The following INSL6 variants were observed in gnomAD, a reference collection of about 807,000 sequenced individuals.
INSL6 encodes insulin-like peptide INSL6.
Under a neutral mutation model 9.4 loss-of-function variants are expected in INSL6, and 16 were observed. The observed-to-expected ratio is 1.70, with a 90% CI of 1.15 to 2.59. The LOEUF (loss-of-function observed/expected upper bound fraction) is 2.59, where lower values mean the gene tolerates loss of function less well. Among genes scored for constraint, INSL6 ranks in the 30% most tolerant of loss-of-function variants. The probability of loss-of-function intolerance (pLI) is 0.00; values close to 1 mark genes in which losing one functional copy is unlikely to be tolerated. For synonymous variants in INSL6, 154 were observed against 96.9 expected (o/e 1.59, Z -3.46); for missense variants, 391 against 257.3 (o/e 1.52, Z -3.56).
chr9:5,111,260 G>C, the INSL6 span: 2 of 508,582 alleles, frequency 3.9e-6, no homozygotes, highest in South Asian at 3.4e-5. Flanking sequence ...ACGCAGGCGT[G>C]CGCAGCCTGA....
At chr9:5,142,199 CTCT>C (rs1824514396) in intron 2 of INSL6, among the ~76,000 whole-genome samples, 1 of 152,066 alleles carries the variant, frequency 6.6e-6, no homozygotes, top group African/African-American at 2.4e-5. Flanking sequence ...GGCTATTTGG[CTCT>C]TTTTTGGTTC....
At chr9:5,094,116 T>G in the INSL6 span, 1 of 152,144 alleles carries the variant, frequency 6.6e-6, no homozygotes. Context: ...ATAATTAACC[T>G]TTTCCTACTT....
At chr9:5,100,671 T>G in the INSL6 span, 1 of 152,194 alleles carries the variant, frequency 6.6e-6, no homozygotes, top group African/African-American at 2.4e-5. Flanking sequence ...TTCAGTTACT[T>G]CGGCTCATCA....
chr9:5,059,679 T>C, the INSL6 span, among the ~76,000 whole-genome samples: 1 of 152,158 alleles, frequency 6.6e-6, no homozygotes, highest in East Asian at 1.9e-4. Flanking sequence ...TGCATGAAAA[T>C]TACAGTTGTC....
At chr9:5,170,033 G>T (rs1409554183) in intron 1 of INSL6, among the ~76,000 whole-genome samples, 2 of 152,134 alleles carry the variant, frequency 1.3e-5, no homozygotes, top group Non-Finnish European at 2.9e-5. Flanking sequence ...GATATCTACA[G>T]AACTCTCCAA....
At chr9:5,037,712 G>A in the INSL6 span, among the ~76,000 whole-genome samples, 2 of 152,168 alleles carry the variant, frequency 1.3e-5, no homozygotes, top group Non-Finnish European at 2.9e-5. Context: ...GTTCTGGGGT[G>A]GGGGGATGGA....
the INSL6 span, among the ~76,000 whole-genome samples, chr9:5,065,825 T>A: frequency 6.6e-6 from 1 of 152,174 alleles, no homozygotes; most frequent in South Asian, 2.1e-4. Flanking sequence ...CATATTATGT[T>A]CTTTGCATTT....
chr9:5,067,705 AGCTATGTATTATAGAGTTTAT>A, the INSL6 span, among the ~76,000 whole-genome samples: 2 of 152,076 alleles, frequency 1.3e-5, no homozygotes, highest in East Asian at 3.8e-4. Context: ...CTAATATGAG[AGCTATGTATTATAGAGTTTAT>A]GCTACAGCCC....
the INSL6 span, among the ~76,000 whole-genome samples, chr9:4,999,460 A>G: frequency 1.3e-5 from 2 of 152,240 alleles, no homozygotes; most frequent in East Asian, 3.8e-4. Flanking sequence ...GGGGCAAAAA[A>G]GATTACAAAT....
chr9:5,128,066 A>T (rs533679509), intron 3 of INSL6: 1 of 224,628 alleles, frequency 4.5e-6, no homozygotes, highest in East Asian at 6.1e-5. Flanking sequence ...AGCTAAAATA[A>T]AATATGGTGG....
At chr9:5,000,991 G>A in the INSL6 span, among the ~76,000 whole-genome samples, 16 of 152,174 alleles carry the variant, frequency 1.1e-4, no homozygotes, top group African/African-American at 3.6e-4. Context: ...CAAAAATACA[G>A]AATAAAAAGA....
the INSL6 span, chr9:5,064,810 A>G: frequency 8.6e-7 from 1 of 1,157,498 alleles, no homozygotes; most frequent in South Asian, 1.8e-5. Flanking sequence ...ACATGGAATG[A>G]AGAAAATTTT....
chr9:5,126,522 T>C (rs1411275235), intron 3 of INSL6: 10 of 1,064,360 alleles, frequency 9.4e-6, no homozygotes, highest in Non-Finnish European at 1.4e-5. Flanking sequence ...GTTCACTTCC[T>C]GAAATTTAAT....
At chr9:5,009,402 T>C in the INSL6 span, among the ~76,000 whole-genome samples, 1 of 152,156 alleles carries the variant, frequency 6.6e-6, no homozygotes, top group Non-Finnish European at 1.5e-5. Flanking sequence ...AGGAACACTA[T>C]GAAATGCCCA....
At chr9:5,160,668 G>A (rs1420696391), downstream of INSL6, among the ~76,000 whole-genome samples, 2 of 152,030 alleles carry the variant, frequency 1.3e-5, no homozygotes, top group Non-Finnish European at 2.9e-5. Context: ...GTTTTTAGAA[G>A]TCAAACAAAA....
the INSL6 span, among the ~76,000 whole-genome samples, chr9:5,042,440 A>G: frequency 6.6e-6 from 1 of 152,102 alleles, no homozygotes; most frequent in African/African-American, 2.4e-5. Flanking sequence ...CCCGGCCAAG[A>G]CTGGCCAAAA....
At chr9:5,164,310 C>T (rs1467708702) in intron 1 of INSL6, 45 bp from the exon 2 acceptor site, 1 of 1,261,238 alleles carries the variant, frequency 7.9e-7, no homozygotes, top group South Asian at 1.3e-5. Context: ...TAAAATCTTC[C>T]TTTAGATGAA....
At chr9:5,072,479 T>C in the INSL6 span, 2 of 1,525,564 alleles carry the variant, frequency 1.3e-6, no homozygotes, top group South Asian at 2.6e-5. Flanking sequence ...TCTTTTACCT[T>C]TTTCTCTTGA....
At chr9:5,142,626 T>A (rs1266644632) in intron 2 of INSL6, among the ~76,000 whole-genome samples, 1 of 152,168 alleles carries the variant, frequency 6.6e-6, no homozygotes, top group African/African-American at 2.4e-5. Flanking sequence ...GTTTTCCAGA[T>A]ATAGGATCGT....
Sources: gnomAD v4.1 joint callset for allele counts (sites outside exome capture counted in the v4.1 genomes callset) on GRCh38, gnomAD v4.1.1 for gene constraint, MANE v1.5 for transcripts, NCBI Gene and HGNC (gene_info 2026-07-23, HGNC 2026-07-21) for gene names.